Variants in CAPZB observed in about 807,000 individuals in gnomAD.
CAPZB encodes the protein F-actin-capping protein subunit beta.
CAPZB carries 2 observed loss-of-function variants against 38.1 expected under a neutral mutation model. That is an observed-to-expected ratio of 0.05 (90% CI 0.02 to 0.17). The LOEUF (loss-of-function observed/expected upper bound fraction) is 0.17. Among genes scored for constraint, CAPZB ranks in the 10% least tolerant of loss-of-function variants. The pLI, the probability that CAPZB is intolerant of heterozygous loss-of-function variation, is 1.00. For missense variants in CAPZB, 161 were observed against 334.2 expected, an observed-to-expected ratio of 0.48 and a Z score of 4.04; for synonymous variants, 107 against 127.4, an observed-to-expected ratio of 0.84 and a Z score of 1.08.
At chr1:19,404,767 G>T (rs2100388628) in intron 2 of CAPZB, among the ~76,000 whole-genome samples, 1 of 152,252 alleles carries the variant, frequency 6.6e-6, no homozygotes, top group African/African-American at 2.4e-5. Flanking sequence ...GCAATCATGG[G>T]AAAGCAGTGG....
chr1:19,435,620 G>T (rs989400367), intron 1 of CAPZB, among the ~76,000 whole-genome samples: 1 of 152,196 alleles, frequency 6.6e-6, no homozygotes, highest in Non-Finnish European at 1.5e-5. Flanking sequence ...TGCTTTATAT[G>T]CCAATATCTC....
intron 6 of CAPZB, among the ~76,000 whole-genome samples, chr1:19,346,415 A>G (rs976148014): frequency 1.3e-5 from 2 of 149,366 alleles, no homozygotes; most frequent in Non-Finnish European, 3.0e-5. Context: ...TAATTTTTGA[A>G]GCTTTATTAA....
At chr1:19,391,085 TA>T (rs912952919) in intron 2 of CAPZB, among the ~76,000 whole-genome samples, 2 of 152,000 alleles carry the variant, frequency 1.3e-5, no homozygotes, top group African/African-American at 4.8e-5. Flanking sequence ...TTTTTTTTCT[TA>T]AATCATCCAA....
chr1:19,444,023 C>T (rs190221986), intron 1 of CAPZB, among the ~76,000 whole-genome samples: 210 of 152,130 alleles, frequency 1.4e-3, no homozygotes, highest in African/African-American at 4.9e-3. Context: ...CCGGGCGTGG[C>T]GGAGCACGCC....
intron 1 of CAPZB, chr1:19,420,065 G>A: frequency 3.3e-6 from 1 of 300,942 alleles, no homozygotes; most frequent in East Asian, 7.1e-5. Context: ...GGTGGCTGCA[G>A]ATGTCGTGCC....
rs1278566782 is a variant in CAPZB, at chr1:19,352,284, G to A, written c.588+4351C>T. On this transcript the variant is annotated intron_variant, in intron 6 of 8. Transcript: ENST00000264202. Reference sequence around the variant, plus strand: ...TACTGCCTGAAGATATATTGGGGGTGTCTCTGCTGAGTGGGGAGAGACTGC... The same window carrying A: ...TACTGCCTGAAGATATATTGGGGGTATCTCTGCTGAGTGGGGAGAGACTGC... Among the ~76,000 whole-genome samples the A allele has an allele frequency of 3.3e-5, 5 of 152,248 alleles. No homozygotes were observed. In the South Asian group the frequency reaches 1.0e-3, roughly 31 times the overall value.
At position 19,348,615 on chromosome 1, in the gene CAPZB, G is replaced by C. The variant is rs184853938; in HGVS notation, c.589-3363C>G. Among the ~76,000 whole-genome samples the C allele has an allele frequency of 1.2e-4, 18 of 152,224 alleles. No individual in the cohort carries two copies. The South Asian group carries it at 1.9e-3, about 16-fold the overall frequency. On this transcript the variant is annotated intron_variant, in intron 6 of 8. Coordinates refer to ENST00000264202, the MANE Select transcript of CAPZB (RefSeq NM_004930.5). ...ACCTATGTCGCTGTAGATGGCAGAG[G>C]GGGGACCGAGCAGTGAGAGAACATC...
chr1:19,371,446 C>G (rs1218656107), intron 4 of CAPZB, among the ~76,000 whole-genome samples: 1 of 152,348 alleles, frequency 6.6e-6, no homozygotes, highest in South Asian at 2.1e-4. Flanking sequence ...GTCTGACGCA[C>G]AGTGTGTCAC....
chr1:19,434,467 ATAATC>A (rs2094451717), intron 1 of CAPZB, among the ~76,000 whole-genome samples: 1 of 151,798 alleles, frequency 6.6e-6, no homozygotes, highest in African/African-American at 2.4e-5. Context: ...GCTCACATCT[ATAATC>A]CTAGCACTTT....
rs67785670 is a variant in CAPZB at position 19,373,693 on chromosome 1, CT to C, written c.329+4846del. On this transcript the variant is annotated intron_variant, in intron 4 of 8. Transcript: ENST00000264202. ...CACATATTTTTTATTTTTTAGTTTT[CT>C]TTTTTTTTTTTCCAGAGACAAGGAC... Among the ~76,000 whole-genome samples, 570 of 145,284 alleles carry C rather than the reference CT, an allele frequency of 3.9e-3. 2 individuals are homozygous for C. The highest frequency in any genetic ancestry group is 0.012 in the African/African-American group (476 of 39,834).
chr1:19,469,784 A>ACACACGCC (rs891938648), intron 1 of CAPZB, among the ~76,000 whole-genome samples: 2 of 149,018 alleles, frequency 1.3e-5, no homozygotes, highest in African/African-American at 2.5e-5. Flanking sequence ...ACACACACAC[A>ACACACGCC]CGCCCGCCCA....
At chr1:19,478,378 C>G (rs2094614515) in intron 1 of CAPZB, among the ~76,000 whole-genome samples, 1 of 152,216 alleles carries the variant, frequency 6.6e-6, no homozygotes, top group Non-Finnish European at 1.5e-5. Context: ...CAGGCATCGT[C>G]TACACTTTCC....
intron 1 of CAPZB, among the ~76,000 whole-genome samples, chr1:19,433,155 C>A (rs2094447783): frequency 6.6e-6 from 1 of 152,230 alleles, no homozygotes. Flanking sequence ...TGGCTGGTTT[C>A]ATGTAACAAG....
intron 1 of CAPZB, among the ~76,000 whole-genome samples, chr1:19,480,085 G>A (rs1320024312): frequency 6.6e-6 from 1 of 152,142 alleles, no homozygotes; most frequent in Non-Finnish European, 1.5e-5. Context: ...GGCCTGCAGG[G>A]ATGGGCAGAC....
At chr1:19,450,219 A>G (rs2094511598) in intron 1 of CAPZB, among the ~76,000 whole-genome samples, 1 of 150,962 alleles carries the variant, frequency 6.6e-6, no homozygotes, top group African/African-American at 2.4e-5. Context: ...ACATGGAAAT[A>G]GTGATAATGC....
intron 1 of CAPZB, among the ~76,000 whole-genome samples, chr1:19,428,904 A>G (rs2094432946): frequency 6.6e-6 from 1 of 152,172 alleles, no homozygotes; most frequent in Non-Finnish European, 1.5e-5. Context: ...CCATCCTCCT[A>G]CATTCAACGC....
chr1:19,485,210 C>A (rs2094646906), intron 1 of CAPZB, among the ~76,000 whole-genome samples: 1 of 151,986 alleles, frequency 6.6e-6, no homozygotes, highest in Non-Finnish European at 1.5e-5. Flanking sequence ...CTCCAGCTTG[C>A]GCCAAGGGCG....
chr1:19,425,380 T>C (rs2094418580), intron 1 of CAPZB, among the ~76,000 whole-genome samples: 1 of 145,772 alleles, frequency 6.9e-6, no homozygotes, highest in African/African-American at 2.7e-5. Flanking sequence ...CTGTTTCTGA[T>C]GCTGAGTGGT....
chr1:19,436,522 T>A (rs565292606), intron 1 of CAPZB, among the ~76,000 whole-genome samples: 8 of 152,194 alleles, frequency 5.3e-5, no homozygotes, highest in Non-Finnish European at 1.2e-4. Flanking sequence ...CTAAGATCTA[T>A]GGTAAGAATG....
Sources: allele counts gnomAD v4.1 joint callset (sites outside exome capture counted in the v4.1 genomes callset), GRCh38; gene constraint gnomAD v4.1.1; transcripts MANE v1.5; gene names NCBI Gene and HGNC (gene_info 2026-07-23, HGNC 2026-07-21).